Variants in TCF7L2 observed in about 807,000 individuals in gnomAD.
TCF7L2 encodes the protein transcription factor 7 like 2.
A neutral mutation model predicts 77.9 loss-of-function variants in TCF7L2; 23 were observed. That is an observed-to-expected ratio of 0.30 (90% CI 0.21 to 0.42). The LOEUF is 0.42. TCF7L2 is among the 10% of genes least tolerant of loss of function. TCF7L2 has a pLI of 1.00. For synonymous variants in TCF7L2, 413 were observed against 340.2 expected (o/e 1.21, Z -2.36); for missense variants, 654 against 793.1 (o/e 0.82, Z 2.11).
chr10:113,006,712 T>TAATTTC (rs1244433675), intron 4 of TCF7L2, among the ~76,000 whole-genome samples: 3 of 152,360 alleles, frequency 2.0e-5, no homozygotes, highest in African/African-American at 7.2e-5. Context: ...GTTTTAATTT[T>TAATTTC]AATTTCATGT....
chr10:113,073,626 C>T (rs899174514), intron 5 of TCF7L2, among the ~76,000 whole-genome samples: 65 of 150,258 alleles, frequency 4.3e-4, no homozygotes, highest in African/African-American at 1.4e-3. Context: ...CAGGGGTTTG[C>T]GGCTGCAGTG....
intron 5 of TCF7L2, among the ~76,000 whole-genome samples, chr10:113,117,905 G>A (rs928889826): frequency 2.0e-5 from 3 of 152,106 alleles, no homozygotes; most frequent in Non-Finnish European, 4.4e-5. Context: ...AAGTTGCGTC[G>A]CCTCCCTCCC....
At chr10:112,988,797 T>C (rs780199746) in intron 4 of TCF7L2, among the ~76,000 whole-genome samples, 2 of 152,192 alleles carry the variant, frequency 1.3e-5, no homozygotes, top group African/African-American at 2.4e-5. Flanking sequence ...ATAACCTTAA[T>C]AGCAACAAGA....
At chr10:113,009,873 C>G (rs745713369) in intron 4 of TCF7L2, among the ~76,000 whole-genome samples, 1 of 152,112 alleles carries the variant, frequency 6.6e-6, no homozygotes, top group African/African-American at 2.4e-5. Context: ...CAGGCCTGTT[C>G]GGCAGCATGG....
chr10:113,126,593 G>C (rs946072447), intron 5 of TCF7L2: 1 of 984,708 alleles, frequency 1.0e-6, no homozygotes, highest in Admixed American at 6.2e-5. Context: ...TCCCTTTTGT[G>C]GGGGGGTGGG....
chr10:113,006,165 C>T (rs1387838744), intron 4 of TCF7L2, among the ~76,000 whole-genome samples: 2 of 152,184 alleles, frequency 1.3e-5, no homozygotes, highest in African/African-American at 2.4e-5. Flanking sequence ...GAGGCGGCAA[C>T]TTGGGAAACA....
At chr10:112,972,210 T>C (rs2038430950) in intron 4 of TCF7L2, among the ~76,000 whole-genome samples, 1 of 152,220 alleles carries the variant, frequency 6.6e-6, no homozygotes, top group Non-Finnish European at 1.5e-5. Flanking sequence ...TACATTGGGA[T>C]AATATTTTCT....
intron 5 of TCF7L2, among the ~76,000 whole-genome samples, chr10:113,095,153 T>A (rs2060818790): frequency 6.6e-6 from 1 of 152,138 alleles, no homozygotes. Context: ...AGTTCCACTA[T>A]AAATAGTGCA....
chr10:113,025,137 A>G (rs1311179409), intron 4 of TCF7L2, among the ~76,000 whole-genome samples: 2 of 151,536 alleles, frequency 1.3e-5, no homozygotes, highest in South Asian at 2.1e-4. Flanking sequence ...AGCTCACTGC[A>G]ACCATGACCT....
chr10:113,088,238 A>G (rs1489764091), intron 5 of TCF7L2, among the ~76,000 whole-genome samples: 1 of 152,140 alleles, frequency 6.6e-6, no homozygotes, highest in Non-Finnish European at 1.5e-5. Flanking sequence ...TCTTGTTTAT[A>G]GAGCCTGTTT....
intron 5 of TCF7L2, among the ~76,000 whole-genome samples, chr10:113,115,871 T>C (rs2063667885): frequency 6.6e-6 from 1 of 152,162 alleles, no homozygotes; most frequent in South Asian, 2.1e-4. Flanking sequence ...CTTAGCACCC[T>C]TCCCCCTTAA....
intron 5 of TCF7L2, among the ~76,000 whole-genome samples, chr10:113,116,223 A>G (rs2063719189): frequency 6.6e-6 from 1 of 152,166 alleles, no homozygotes; most frequent in Non-Finnish European, 1.5e-5. Flanking sequence ...TTTGTAGGTT[A>G]TAAATATGTT....
chr10:113,146,154 T>C (rs1407969734), intron 8 of TCF7L2, 57 bp downstream of exon 8: 11 of 1,540,980 alleles, frequency 7.1e-6, no homozygotes, highest in Non-Finnish European at 9.0e-6. Context: ...CTCAAGAAGT[T>C]CTCTAGATGG....
At chr10:113,008,515 G>A (rs912017115) in intron 4 of TCF7L2, among the ~76,000 whole-genome samples, 22 of 152,202 alleles carry the variant, frequency 1.4e-4, no homozygotes, top group African/African-American at 5.1e-4. Flanking sequence ...TCGCTATAAC[G>A]CCTTCATGGT....
At chr10:113,144,478 A>G (rs549903146) in intron 7 of TCF7L2, among the ~76,000 whole-genome samples, 1 of 152,250 alleles carries the variant, frequency 6.6e-6, no homozygotes, top group African/African-American at 2.4e-5. Flanking sequence ...AGAAGCAGGA[A>G]CAAGAACGGC....
Position 113,112,780 on chromosome 10 carries a change from G to A in TCF7L2, c.553-28404G>A, listed in dbSNP as rs138939549. 2.4e-3 allele frequency among the ~76,000 whole-genome samples: 368 copies of A among 152,264 alleles called. 1 individual carries two copies. The highest frequency in any genetic ancestry group is 4.2e-3 in the Non-Finnish European group (288 of 68,020). ...CTCTCTGATGTTATGGAGGCATGTT[G>A]TCTTTCTCCAGAGGCAAGCAATATT... On this transcript the variant is annotated intron_variant, in intron 5 of 13. Coordinates refer to ENST00000627217, the MANE Select transcript of TCF7L2 (RefSeq NM_001146274.2).
At chr10:113,123,685 A>G (rs1384106954) in intron 5 of TCF7L2, among the ~76,000 whole-genome samples, 3 of 152,212 alleles carry the variant, frequency 2.0e-5, no homozygotes, top group African/African-American at 4.8e-5. Flanking sequence ...TAAGTGAATC[A>G]TATCTAGGCA....
intron 4 of TCF7L2, among the ~76,000 whole-genome samples, chr10:112,977,256 A>G (rs1490173735): frequency 6.6e-6 from 1 of 152,194 alleles, no homozygotes; most frequent in African/African-American, 2.4e-5. Context: ...GATGTGTGTG[A>G]TAGTAGCCCA....
intron 4 of TCF7L2, among the ~76,000 whole-genome samples, chr10:112,967,797 G>A (rs138377818): frequency 1.3e-5 from 2 of 151,952 alleles, no homozygotes. Context: ...CACCACGCCC[G>A]GCTATTTTTG....
Sources: gnomAD v4.1 joint callset for allele counts (sites outside exome capture counted in the v4.1 genomes callset) on GRCh38, gnomAD v4.1.1 for gene constraint, MANE v1.5 for transcripts, NCBI Gene and HGNC (gene_info 2026-07-23, HGNC 2026-07-21) for gene names.